Variants in TENM3 observed in about 807,000 individuals in gnomAD.
The protein encoded by TENM3 is teneurin-3.
Under a neutral mutation model 255.1 loss-of-function variants are expected in TENM3, and 63 were observed. The ratio of observed to expected loss-of-function variants is 0.25; its 90% confidence interval spans 0.20 to 0.30. TENM3 has a LOEUF of 0.30. Among genes scored for constraint, TENM3 ranks in the 10% least tolerant of loss-of-function variants. TENM3 has a pLI of 1.00. For missense variants in TENM3, 2,929 were observed against 3,461.1 expected (o/e 0.85, Z 3.86); for synonymous variants, 1,306 against 1,322.3 (o/e 0.99, Z 0.27).
chr4:182,448,849 T>C, intron 3 of TENM3: 1 of 175,732 alleles, frequency 5.7e-6, no homozygotes, highest in Non-Finnish European at 1.2e-5. Context: ...GCCGGGGCGC[T>C]GGGCGCGGGG....
At chr4:182,270,239 C>T (rs545751359) in intron 1 of TENM3, among the ~76,000 whole-genome samples, 2 of 152,066 alleles carry the variant, frequency 1.3e-5, no homozygotes, top group Non-Finnish European at 2.9e-5. Flanking sequence ...GATCCTAATC[C>T]CAGCTGTATT....
intron 7 of TENM3, 54 bp from the exon 8 acceptor site, chr4:182,679,612 A>C: frequency 7.4e-7 from 1 of 1,357,098 alleles, no homozygotes; most frequent in Admixed American, 2.1e-5. Context: ...AAAAAAAAAG[A>C]GAGAAGCAGC....
chr4:182,800,207 G>A lies in TENM3; in HGVS notation c.7956G>A (p.Glu2652=), dbSNP rs941834530. The part of the protein sequence containing the change: ...DGEEGARLWT[E]GEKRQLLSAG... ...AGGAGGGCGCGCGCCTCTGGACGGA[G>A]GGCGAGAAGCGGCAGCTGCTGAGCG... The change falls in exon 28 of 28, where the codon GAG becomes GAA. Residue 2652 remains glutamate, a synonymous_variant. Transcript: ENST00000511685. 1.3e-6 allele frequency: 2 copies of A among 1,590,280 alleles called. No individual in the cohort carries two copies. Among genetic ancestry groups the A allele is most frequent in the Non-Finnish European group, 8.5e-7 (1 of 1,176,276 alleles).
chr4:182,245,763 G>A (rs1323558596), intron 1 of TENM3, among the ~76,000 whole-genome samples: 1 of 152,180 alleles, frequency 6.6e-6, no homozygotes, highest in Non-Finnish European at 1.5e-5. Context: ...AGAGGCTACT[G>A]TTGTGTCAAT....
chr4:181,996,401 C>T, the TENM3 span, among the ~76,000 whole-genome samples: 27 of 152,122 alleles, frequency 1.8e-4, 3 homozygotes, highest in South Asian at 4.8e-3. Flanking sequence ...CCAGGAGGAA[C>T]GCTTACAAGC....
chr4:182,769,242 G>A (rs1305670426), intron 22 of TENM3, among the ~76,000 whole-genome samples: 1 of 152,096 alleles, frequency 6.6e-6, no homozygotes, highest in Non-Finnish European at 1.5e-5. Context: ...CTTCTTTTGT[G>A]GAGGTAAAGA....
At chr4:182,700,358 A>T (rs1339970418) in intron 12 of TENM3, among the ~76,000 whole-genome samples, 1 of 152,196 alleles carries the variant, frequency 6.6e-6, no homozygotes, top group Non-Finnish European at 1.5e-5. Context: ...CCATTTCTTG[A>T]ATATGACAAG....
chr4:182,634,120 C>T (rs950878926), intron 5 of TENM3, among the ~76,000 whole-genome samples: 2 of 152,158 alleles, frequency 1.3e-5, no homozygotes, highest in African/African-American at 2.4e-5. Context: ...TCACGTGTCC[C>T]GTTTCATGAT....
chr4:182,727,389 G>A (rs945714094), intron 13 of TENM3, among the ~76,000 whole-genome samples: 3 of 150,988 alleles, frequency 2.0e-5, no homozygotes, highest in Admixed American at 2.0e-4. Flanking sequence ...CAGTTAGGCG[G>A]AGGTTGCAGT....
chr4:181,983,829 A>T, the TENM3 span, among the ~76,000 whole-genome samples: 2 of 152,264 alleles, frequency 1.3e-5, no homozygotes, highest in Admixed American at 1.3e-4. Flanking sequence ...GTTTTAGTAT[A>T]CTGAACTCGT....
At chr4:182,472,245 T>G (rs1305382360) in intron 3 of TENM3, among the ~76,000 whole-genome samples, 1 of 152,012 alleles carries the variant, frequency 6.6e-6, no homozygotes, top group African/African-American at 2.4e-5. Context: ...ACATATTTTT[T>G]GAACCTTACT....
intron 1 of TENM3, among the ~76,000 whole-genome samples, chr4:182,316,124 G>A (rs1440108739): frequency 6.6e-6 from 1 of 152,092 alleles, no homozygotes; most frequent in African/African-American, 2.4e-5. Flanking sequence ...TTTATTGGAT[G>A]TCAACCATGG....
chr4:182,735,039 C>G (rs1761058224), intron 16 of TENM3, among the ~76,000 whole-genome samples: 1 of 152,122 alleles, frequency 6.6e-6, no homozygotes, highest in Non-Finnish European at 1.5e-5. Flanking sequence ...AAATTAACTC[C>G]TTGATATTTC....
At chr4:182,728,143 C>A (rs111689213) in intron 13 of TENM3, among the ~76,000 whole-genome samples, 2 of 152,128 alleles carry the variant, frequency 1.3e-5, no homozygotes, top group African/African-American at 4.8e-5. Context: ...GCCACTGCAC[C>A]GGCCAGAAGA....
chr4:182,464,100 C>T (rs1732345034), intron 3 of TENM3, among the ~76,000 whole-genome samples: 1 of 152,028 alleles, frequency 6.6e-6, no homozygotes, highest in Admixed American at 6.6e-5. Flanking sequence ...AATCATTAAC[C>T]TTTAAATTTA....
At chr4:181,801,835 G>GT in the TENM3 span, among the ~76,000 whole-genome samples, 12 of 151,718 alleles carry the variant, frequency 7.9e-5, 1 homozygote, top group Admixed American at 7.9e-4. Context: ...AGGAGCATTG[G>GT]TTTTCCCTTA....
At chr4:181,747,866 A>G in the TENM3 span, among the ~76,000 whole-genome samples, 1 of 151,992 alleles carries the variant, frequency 6.6e-6, no homozygotes, top group Non-Finnish European at 1.5e-5. Context: ...TTTTTCTTCA[A>G]ATAGTTAACT....
intron 22 of TENM3, among the ~76,000 whole-genome samples, chr4:182,763,854 T>C (rs1349773108): frequency 6.6e-6 from 1 of 152,234 alleles, no homozygotes; most frequent in Non-Finnish European, 1.5e-5. Context: ...AATTTAGAGC[T>C]AGTGAGAAAT....
chr4:181,707,444 A>AC, the TENM3 span, among the ~76,000 whole-genome samples: 1 of 152,218 alleles, frequency 6.6e-6, no homozygotes, highest in Non-Finnish European at 1.5e-5. Context: ...TAAATGAAAC[A>AC]CCAGTATAAT....
Sources: allele counts gnomAD v4.1 joint callset (sites outside exome capture counted in the v4.1 genomes callset), GRCh38; gene constraint gnomAD v4.1.1; transcripts MANE v1.5; gene names NCBI Gene and HGNC (gene_info 2026-07-23, HGNC 2026-07-21).